The following SLC24A3 variants were observed in gnomAD, a reference collection of about 807,000 sequenced individuals.
SLC24A3 encodes sodium/potassium/calcium exchanger 3.
In SLC24A3, 28 loss-of-function variants were observed where a neutral mutation model predicts 75.8. The ratio of observed to expected loss-of-function variants is 0.37; its 90% CI spans 0.27 to 0.51. The LOEUF (loss-of-function observed/expected upper bound fraction) is 0.51. SLC24A3 is among the 20% of genes least tolerant of loss of function. The probability of loss-of-function intolerance (pLI) is 0.94; values close to 1 mark genes in which losing one functional copy is unlikely to be tolerated. For synonymous variants in SLC24A3, 372 were observed against 334.1 expected, an observed-to-expected ratio of 1.11 and a Z score of -1.24; for missense variants, 663 against 847.8, an observed-to-expected ratio of 0.78 and a Z score of 2.71.
intron 2 of SLC24A3, among the ~76,000 whole-genome samples, chr20:19,367,950 CATG>C (rs1468024146): frequency 1.3e-5 from 2 of 152,194 alleles, no homozygotes; most frequent in Non-Finnish European, 2.9e-5. Context: ...TCAAAAGAAA[CATG>C]ATGTATTAGC....
At chr20:19,332,705 G>T (rs886581255) in intron 2 of SLC24A3, among the ~76,000 whole-genome samples, 1 of 152,158 alleles carries the variant, frequency 6.6e-6, no homozygotes, top group Non-Finnish European at 1.5e-5. Flanking sequence ...AAGGGTATTT[G>T]GGGGTTCCCA....
intron 3 of SLC24A3, among the ~76,000 whole-genome samples, chr20:19,572,529 C>A (rs2031069815): frequency 6.6e-6 from 1 of 152,158 alleles, no homozygotes; most frequent in African/African-American, 2.4e-5. Flanking sequence ...AATTTTCAAG[C>A]ATTTCTTGAC....
chr20:19,223,405 A>T (rs960252845), intron 1 of SLC24A3, among the ~76,000 whole-genome samples: 1 of 152,174 alleles, frequency 6.6e-6, no homozygotes, highest in Admixed American at 6.5e-5. Flanking sequence ...AATAACATTG[A>T]TACAATCCAC....
At chr20:19,506,437 A>G (rs114507714) in intron 2 of SLC24A3, among the ~76,000 whole-genome samples, 44 of 152,264 alleles carry the variant, frequency 2.9e-4, no homozygotes, top group African/African-American at 1.0e-3. Flanking sequence ...ATGCCCTTAA[A>G]AAAACAAGAA....
At chr20:19,708,047 G>A (rs1467142859) in intron 15 of SLC24A3, among the ~76,000 whole-genome samples, 1 of 152,132 alleles carries the variant, frequency 6.6e-6, no homozygotes, top group Non-Finnish European at 1.5e-5. Context: ...TTCACTGAAG[G>A]AGACTGAGGA....
At chr20:19,491,028 A>G (rs547278760) in intron 2 of SLC24A3, among the ~76,000 whole-genome samples, 2 of 152,316 alleles carry the variant, frequency 1.3e-5, no homozygotes, top group African/African-American at 2.4e-5. Flanking sequence ...ACAAAACTCA[A>G]CTTTGCCTTT....
intron 3 of SLC24A3, among the ~76,000 whole-genome samples, chr20:19,548,920 A>G (rs2030647941): frequency 6.6e-6 from 1 of 152,216 alleles, no homozygotes; most frequent in Non-Finnish European, 1.5e-5. Context: ...TTCCTCACAC[A>G]AATATTCCAA....
In SLC24A3 at chr20:19,590,183, T is replaced by C. The variant is rs138446127; in HGVS notation, c.612+4639T>C. The stretch of plus-strand genomic sequence containing the variant: ...AACCGCAATTACTTTTGCACCAACC[T>C]AATATTTTACTTAGCACAAACAATG... On this transcript the variant is annotated intron_variant, in intron 6 of 16. Transcript: ENST00000328041. 2.1e-4 allele frequency among the ~76,000 whole-genome samples: 32 copies of C among 151,668 alleles called. No individual in the cohort carries two copies. The East Asian group carries it at 6.1e-3, about 29-fold the overall frequency.
Position 19,517,910 on chromosome 20 carries a change from T to C in SLC24A3, c.348+2346T>C, listed in dbSNP as rs550975391. Among the ~76,000 whole-genome samples the C allele has an allele frequency of 2.0e-5, 3 of 152,196 alleles. No individual in the cohort carries two copies. The East Asian group carries it at 5.8e-4, about 29-fold the overall frequency. On this transcript the variant is annotated intron_variant, in intron 3 of 16. Coordinates refer to ENST00000328041, the MANE Select transcript of SLC24A3 (RefSeq NM_020689.4). Reference sequence around the variant, plus strand: ...TGTTCGGGTGGACCTGCTGGTGCCATCCCCAAGGCCCAAGATCAAATCTTG... The same window carrying C: ...TGTTCGGGTGGACCTGCTGGTGCCACCCCCAAGGCCCAAGATCAAATCTTG...
chr20:19,639,914 G>T (rs920291796), intron 6 of SLC24A3, among the ~76,000 whole-genome samples: 1 of 152,264 alleles, frequency 6.6e-6, no homozygotes, highest in Non-Finnish European at 1.5e-5. Context: ...GGGCCGGCTG[G>T]CCGGCTGCTC....
intron 2 of SLC24A3, among the ~76,000 whole-genome samples, chr20:19,388,451 C>T (rs757647278): frequency 2.0e-5 from 3 of 152,212 alleles, no homozygotes; most frequent in Non-Finnish European, 2.9e-5. Context: ...GTGGCTCACG[C>T]CTGTAATCCC....
intron 16 of SLC24A3, among the ~76,000 whole-genome samples, chr20:19,719,340 A>G (rs2033077083): frequency 6.6e-6 from 1 of 152,224 alleles, no homozygotes; most frequent in South Asian, 2.1e-4. Context: ...GAATAAGATA[A>G]CAGAATCTTT....
chr20:19,339,200 C>T (rs188405407), intron 2 of SLC24A3, among the ~76,000 whole-genome samples: 440 of 152,266 alleles, frequency 2.9e-3, no homozygotes, highest in Non-Finnish European at 3.8e-3. Context: ...TTCATCGGGC[C>T]GAAGCTGCAG....
intron 2 of SLC24A3, among the ~76,000 whole-genome samples, chr20:19,322,989 G>C (rs565938406): frequency 6.6e-6 from 1 of 151,812 alleles, no homozygotes; most frequent in African/African-American, 2.4e-5. Context: ...GGCGGATCAC[G>C]AGGTCAGGAG....
intron 2 of SLC24A3, among the ~76,000 whole-genome samples, chr20:19,311,211 G>T (rs1405499672): frequency 6.6e-6 from 1 of 152,116 alleles, no homozygotes; most frequent in Non-Finnish European, 1.5e-5. Flanking sequence ...AGGAATTTGG[G>T]CATGAACCTA....
At chr20:19,523,022 C>T (rs2030133143) in intron 3 of SLC24A3, among the ~76,000 whole-genome samples, 2 of 152,164 alleles carry the variant, frequency 1.3e-5, no homozygotes, top group African/African-American at 2.4e-5. Flanking sequence ...ATGACGTGGT[C>T]TTGTATGTGG....
At chr20:19,557,098 A>C (rs1274290297) in intron 3 of SLC24A3, among the ~76,000 whole-genome samples, 2 of 152,154 alleles carry the variant, frequency 1.3e-5, no homozygotes, top group South Asian at 4.2e-4. Context: ...CAGCTCATGC[A>C]CTCAGCAGGG....
rs564844421 is a variant in SLC24A3 at position 19,388,688 on chromosome 20, G to A, written c.271+107601G>A. Among the ~76,000 whole-genome samples the A allele has an allele frequency of 2.0e-5, 3 of 152,294 alleles. No homozygotes were observed. The South Asian group carries it at 6.2e-4, about 32-fold the overall frequency. On this transcript the variant is annotated intron_variant, in intron 2 of 16. Coordinates refer to ENST00000328041, the MANE Select transcript of SLC24A3 (RefSeq NM_020689.4). Reference sequence around the variant, plus strand: ...GATTGGGCCACTGTAAATAAATATAGCTATCCTCTCTTGCTTGTTTTTAGT... The same window carrying A: ...GATTGGGCCACTGTAAATAAATATAACTATCCTCTCTTGCTTGTTTTTAGT...
At chr20:19,433,755 G>A (rs6046092) in intron 2 of SLC24A3, among the ~76,000 whole-genome samples, 2 of 152,042 alleles carry the variant, frequency 1.3e-5, no homozygotes, top group Admixed American at 6.5e-5. Flanking sequence ...AGTCCATAGC[G>A]CCAAGGGGAA....
Sources: gnomAD v4.1 joint callset for allele counts (sites outside exome capture counted in the v4.1 genomes callset) on GRCh38, gnomAD v4.1.1 for gene constraint, MANE v1.5 for transcripts, NCBI Gene and HGNC (gene_info 2026-07-23, HGNC 2026-07-21) for gene names.